Variants in SYNE1 observed in about 807,000 individuals in gnomAD.
SYNE1 encodes spectrin repeat containing nuclear envelope protein 1, also known as nesprin-1.
SYNE1 carries 616 observed loss-of-function variants against 1,111.0 expected under a neutral mutation model. That is an observed-to-expected ratio of 0.55 (90% CI 0.52 to 0.59). The LOEUF (loss-of-function observed/expected upper bound fraction) is 0.59, where lower values mean the gene tolerates loss of function less well. Ranked by LOEUF, SYNE1 falls within the 20% of genes least tolerant of loss-of-function variation. SYNE1 has a pLI of 0.00. For synonymous variants in SYNE1, 3,855 were observed against 3,825.8 expected, an observed-to-expected ratio of 1.01 and a Z score of -0.28; for missense variants, 10,006 against 10,417.0, an observed-to-expected ratio of 0.96 and a Z score of 1.72.
At chr6:152,191,209 C>T (rs2072207187) in intron 127 of SYNE1, among the ~76,000 whole-genome samples, 1 of 149,304 alleles carries the variant, frequency 6.7e-6, no homozygotes, top group South Asian at 2.1e-4. Flanking sequence ...AAATGTTCAT[C>T]AGAGATATTG....
chr6:152,224,708 G>C (rs1441031553), intron 116 of SYNE1, 44 bp from the exon 117 acceptor site: 1 of 1,549,010 alleles, frequency 6.5e-7, no homozygotes, highest in Admixed American at 1.7e-5. Context: ...ATAATATCTA[G>C]AATGATGGAA....
At chr6:152,537,756 C>G (rs1228995160) in intron 4 of SYNE1, among the ~76,000 whole-genome samples, 2 of 152,126 alleles carry the variant, frequency 1.3e-5, no homozygotes, top group Non-Finnish European at 2.9e-5. Context: ...ATTGAATACC[C>G]TTTATTTCTT....
At chr6:152,410,986 A>G (rs1236775200) in intron 42 of SYNE1, among the ~76,000 whole-genome samples, 1 of 152,228 alleles carries the variant, frequency 6.6e-6, no homozygotes, top group African/African-American at 2.4e-5. Context: ...AATGTTTAAT[A>G]ATATGGAATA....
chr6:152,395,512 A>G lies in SYNE1; in HGVS notation c.7712+4T>C, dbSNP rs766299327. On this transcript the variant is annotated splice_donor_region_variant and intron_variant, in intron 51 of 145. Coordinates refer to ENST00000367255, the MANE Select transcript of SYNE1 (RefSeq NM_182961.4). ...AAAGGACCTGTTCCATTTCTGGACC[A>G]TACCTTGCAGCCAGCAGTTCTCCCA... 109 of 1,613,234 alleles carry G rather than the reference A, an allele frequency of 6.8e-5. No homozygotes were observed. The highest frequency in any genetic ancestry group is 8.5e-7 in the Non-Finnish European group (1 of 1,179,606).
intron 127 of SYNE1, among the ~76,000 whole-genome samples, chr6:152,194,425 T>C (rs1309006834): frequency 6.6e-6 from 1 of 152,210 alleles, no homozygotes; most frequent in Admixed American, 6.5e-5. Flanking sequence ...TTGCTGCTTT[T>C]AGGATCCTTT....
intron 115 of SYNE1, among the ~76,000 whole-genome samples, chr6:152,226,916 C>T (rs9479272): frequency 6.6e-6 from 1 of 151,980 alleles, no homozygotes; most frequent in Non-Finnish European, 1.5e-5. Flanking sequence ...CAGAAGTATA[C>T]CCTCAGAACT....
intron 41 of SYNE1, among the ~76,000 whole-genome samples, chr6:152,414,851 C>G (rs2098128407): frequency 1.3e-5 from 2 of 151,990 alleles, no homozygotes; most frequent in Non-Finnish European, 2.9e-5. Context: ...CTTGTTCTCT[C>G]TTTATTCTGG....
At chr6:152,498,826 A>T in intron 10 of SYNE1, 34 bp from the exon 11 acceptor site, 1 of 1,252,186 alleles carries the variant, frequency 8.0e-7, no homozygotes, top group South Asian at 1.7e-5. Flanking sequence ...ATAGAAATAT[A>T]ATATAAATCA....
At chr6:152,259,960 G>C (rs1387965206) in intron 101 of SYNE1, among the ~76,000 whole-genome samples, 3 of 152,188 alleles carry the variant, frequency 2.0e-5, no homozygotes, top group African/African-American at 7.2e-5. Flanking sequence ...AGGTATTGTG[G>C]AATGTCAGTG....
chr6:152,624,066 C>T (rs1386650656), intron 3 of SYNE1, among the ~76,000 whole-genome samples: 1 of 152,112 alleles, frequency 6.6e-6, no homozygotes, highest in Non-Finnish European at 1.5e-5. Flanking sequence ...TAGCAAATTT[C>T]ATAGCTATAT....
intron 91 of SYNE1, among the ~76,000 whole-genome samples, chr6:152,305,263 G>C (rs1407523982): frequency 6.6e-6 from 1 of 152,010 alleles, no homozygotes; most frequent in East Asian, 1.9e-4. Context: ...TTTTGAAAAA[G>C]TATTATTATT....
In SYNE1 at chr6:152,236,175, C is replaced by G. The variant is rs539439844; in HGVS notation, c.20328G>C (p.Trp6776Cys). The G allele has an allele frequency of 2.6e-5, 42 of 1,614,044 alleles. No homozygotes were observed. The highest frequency in any genetic ancestry group is 3.4e-5 in the Non-Finnish European group (40 of 1,180,046). ...TAGACATTTTATTGGTGTTACTTAG[C>G]CAGCACTCTCCAAGTTGATTTAGTT... is the stretch of plus-strand genomic sequence containing the variant. ...ESQLNQLGEC[W>C]LSNTNKMSKE... The change falls in exon 110 of 146, where the codon TGG becomes TGC. Residue 6776 changes from tryptophan to cysteine, a missense_variant. Physicochemically the swap from Trp to Cys is radical, Grantham distance 215. Transcript: ENST00000367255.
chr6:152,310,267 C>T (rs965928932), intron 89 of SYNE1, 129 bp downstream of exon 89: 4 of 1,374,796 alleles, frequency 2.9e-6, no homozygotes, highest in Admixed American at 3.9e-5. Context: ...CATAGGGATA[C>T]CCTGTCTCTA....
At chr6:152,533,541 T>A (rs771538194) in intron 4 of SYNE1, among the ~76,000 whole-genome samples, 19 of 152,286 alleles carry the variant, frequency 1.2e-4, no homozygotes, top group Admixed American at 4.6e-4. Context: ...GGCTTCATTT[T>A]CAAAAGTCTT....
chr6:152,485,373 T>A (rs1386492564), intron 12 of SYNE1, among the ~76,000 whole-genome samples: 1 of 152,202 alleles, frequency 6.6e-6, no homozygotes, highest in Non-Finnish European at 1.5e-5. Context: ...TAGCTAATAA[T>A]CAAGATAGTT....
intron 117 of SYNE1, among the ~76,000 whole-genome samples, chr6:152,222,419 C>A (rs772587012): frequency 2.6e-5 from 4 of 152,194 alleles, no homozygotes; most frequent in African/African-American, 7.2e-5. Flanking sequence ...TTGTTACATA[C>A]CCGCAGTGCT....
intron 14 of SYNE1, chr6:152,478,696 GA>G (rs2098850850): frequency 6.6e-6 from 1 of 152,256 alleles, no homozygotes; most frequent in Non-Finnish European, 1.5e-5. Context: ...TGGAAGGTTT[GA>G]AGAGACAAGA....
At chr6:152,241,635 G>A (rs1039905430) in intron 107 of SYNE1, among the ~76,000 whole-genome samples, 1 of 151,928 alleles carries the variant, frequency 6.6e-6, no homozygotes, top group Non-Finnish European at 1.5e-5. Context: ...CATAGTAAAC[G>A]GCCTTGCTGT....
intron 93 of SYNE1, among the ~76,000 whole-genome samples, chr6:152,295,738 C>A (rs1212812637): frequency 6.6e-6 from 1 of 152,056 alleles, no homozygotes; most frequent in Admixed American, 6.6e-5. Context: ...TCACACTCAC[C>A]CTTATCTTAT....
Sources: gnomAD v4.1 joint callset for allele counts (sites outside exome capture counted in the v4.1 genomes callset) on GRCh38, gnomAD v4.1.1 for gene constraint, MANE v1.5 for transcripts, NCBI Gene and HGNC (gene_info 2026-07-23, HGNC 2026-07-21) for gene names.